Variants in PAX2 observed in about 807,000 individuals in gnomAD.
PAX2 encodes paired box protein Pax-2.
Under a neutral mutation model 41.7 loss-of-function variants are expected in PAX2, and 9 were observed. The ratio of observed to expected loss-of-function variants is 0.22; its 90% confidence interval spans 0.13 to 0.38. The LOEUF (loss-of-function observed/expected upper bound fraction) is 0.38. PAX2 is among the 10% of genes least tolerant of loss of function. PAX2 has a pLI of 1.00. For synonymous variants in PAX2, 221 were observed against 212.7 expected (o/e 1.04, Z -0.34); for missense variants, 418 against 531.6 (o/e 0.79, Z 2.10).
In PAX2 at chr10:100,791,639, G is replaced by A. The variant is rs747339598; in HGVS notation, c.616+10274G>A. ...GAGCCAGTGACAGAGGGAGAGATGC[G>A]CGGACACACTCACACACCCTTGCTG... On this transcript the variant is annotated intron_variant, in intron 5 of 9. Coordinates refer to ENST00000355243, the MANE Select transcript of PAX2 (RefSeq NM_000278.5). This position sits in a 1 kb window ranked among gnomAD's most constrained non-coding sequence, Gnocchi z 4.5. Among the ~76,000 whole-genome samples the A allele has an allele frequency of 1.2e-4, 18 of 152,170 alleles. No individual in the cohort carries two copies. Among genetic ancestry groups the A allele is most frequent in the Non-Finnish European group, 1.8e-4 (12 of 68,032 alleles).
intron 5 of PAX2, chr10:100,786,837 C>G: frequency 1.7e-6 from 1 of 591,258 alleles, no homozygotes; most frequent in Non-Finnish European, 3.1e-6. Flanking sequence ...CCTTGTAGCC[C>G]TTAGAAGGGG....
intron 5 of PAX2, among the ~76,000 whole-genome samples, chr10:100,789,513 G>A (rs777750101): frequency 3.3e-5 from 5 of 152,202 alleles, no homozygotes; most frequent in Admixed American, 2.6e-4. Flanking sequence ...CTCCCTAGGA[G>A]ACAGGCCCTA....
intron 3 of PAX2, among the ~76,000 whole-genome samples, chr10:100,771,197 T>C (rs1417782071): frequency 6.6e-6 from 1 of 152,178 alleles, no homozygotes; most frequent in Non-Finnish European, 1.5e-5. Context: ...AGTTGACACA[T>C]TTGGGAAGAA....
chr10:100,746,059 G>A lies in PAX2; in HGVS notation c.-202G>A. On this transcript the variant is annotated 5_prime_UTR_variant, in exon 1 of 10. Transcript: ENST00000355243. ...ACAGTGGCAAGTTGCGGCTACTGCA[G>A]TTGCAAGCTCCGGCCAACCCGGAGG... 6.8e-7 allele frequency: 1 copy of A among 1,472,518 alleles called. No homozygotes were observed. The highest frequency in any genetic ancestry group is 8.9e-7 in the Non-Finnish European group (1 of 1,120,720). The allele number at this position is 1,472,518 out of a possible 1,614,324, so 91.2% of individuals were successfully genotyped here.
At chr10:100,802,061 G>C (rs12261691) in intron 5 of PAX2, among the ~76,000 whole-genome samples, 1 of 152,154 alleles carries the variant, frequency 6.6e-6, no homozygotes, top group Admixed American at 6.5e-5. Flanking sequence ...GCTGGGCAGG[G>C]GGCAGACGGA....
intron 5 of PAX2, among the ~76,000 whole-genome samples, chr10:100,792,362 G>A (rs761526436): frequency 6.6e-6 from 1 of 152,256 alleles, no homozygotes; most frequent in Non-Finnish European, 1.5e-5. Flanking sequence ...TGCCTGGAGA[G>A]GAAGTCCGCA....
chr10:100,750,911 T>C lies in PAX2; in HGVS notation c.410+20T>C, dbSNP rs1687778934. ...CAACAGGTGAGCAAGCCACCCGGGTTTTCAGGGCTGGACTCCAGCTCCTGG... is the reference window on the plus strand; with the variant it reads ...CAACAGGTGAGCAAGCCACCCGGGTCTTCAGGGCTGGACTCCAGCTCCTGG... On this transcript the variant is annotated intron_variant, in intron 3 of 9. Coordinates refer to ENST00000355243, the MANE Select transcript of PAX2 (RefSeq NM_000278.5). The surrounding 1 kb of genome is among the most constrained non-coding windows in gnomAD (Gnocchi z 4.1). The C allele has an allele frequency of 8.7e-6, 14 of 1,603,104 alleles. No individual in the cohort carries two copies. Among genetic ancestry groups the C allele is most frequent in the Non-Finnish European group, 1.2e-5 (14 of 1,170,476 alleles).
At chr10:100,794,083 G>A (rs1847236136) in intron 5 of PAX2, among the ~76,000 whole-genome samples, 1 of 152,212 alleles carries the variant, frequency 6.6e-6, no homozygotes, top group South Asian at 2.1e-4. Flanking sequence ...ATGGTGACAA[G>A]GCAGAGTGTC....
At chr10:100,769,455 C>T (rs1189274547) in intron 3 of PAX2, among the ~76,000 whole-genome samples, 3 of 151,750 alleles carry the variant, frequency 2.0e-5, no homozygotes, top group Non-Finnish European at 4.4e-5. Flanking sequence ...TGGTAAAACC[C>T]TGTCTCTACT....
chr10:100,744,535 G>A (rs1382894891), upstream of PAX2, among the ~76,000 whole-genome samples: 2 of 152,224 alleles, frequency 1.3e-5, no homozygotes, highest in African/African-American at 2.4e-5. Flanking sequence ...GAGTGGGGAC[G>A]TCCCCGTGGT....
chr10:100,797,583 T>A (rs1180730712), intron 5 of PAX2, among the ~76,000 whole-genome samples: 1 of 152,256 alleles, frequency 6.6e-6, no homozygotes, highest in Non-Finnish European at 1.5e-5. Flanking sequence ...ATTGTAAGGA[T>A]TACATCAGTG....
At position 100,821,079 on chromosome 10, in the gene PAX2, C is replaced by A. The variant is rs866534887; in HGVS notation, c.920-3569C>A. Among the ~76,000 whole-genome samples, 5 of 152,316 alleles carry A rather than the reference C, an allele frequency of 3.3e-5. No individual in the cohort carries two copies. The East Asian group carries it at 9.6e-4, about 29-fold the overall frequency. ...CTGTCGATTCTTGCTTGCACAGATT[C>A]CATTACCCATTCATATTCTTTCACT... is the stretch of plus-strand genomic sequence containing the variant. On this transcript the variant is annotated intron_variant, in intron 7 of 9. Transcript: ENST00000355243.
At chr10:100,765,932 A>G (rs1342257276) in intron 3 of PAX2, among the ~76,000 whole-genome samples, 1 of 152,064 alleles carries the variant, frequency 6.6e-6, no homozygotes, top group African/African-American at 2.4e-5. Flanking sequence ...CATCATCATC[A>G]TCATCATCAT....
At chr10:100,773,125 C>G (rs1457586880) in intron 3 of PAX2, among the ~76,000 whole-genome samples, 2 of 152,112 alleles carry the variant, frequency 1.3e-5, no homozygotes, top group Non-Finnish European at 2.9e-5. Context: ...AATTCAAATC[C>G]CAGATTTACT....
At position 100,749,696 on chromosome 10, in the gene PAX2, C is replaced by T. The variant is rs374855505; in HGVS notation, c.44-50C>T. The T allele has an allele frequency of 1.5e-5, 24 of 1,577,364 alleles. No individual in the cohort carries two copies. The East Asian group carries it at 4.1e-4, about 27-fold the overall frequency. ...CGGGCCGCGGACCCTGACTAATGGC[C>T]GGTCCCTGCTGTGTGTGGGGTGTTG... On this transcript the variant is annotated intron_variant, in intron 1 of 9. Transcript: ENST00000355243.
Position 100,746,038 on chromosome 10 carries a change from T to C in PAX2, c.-223T>C. The C allele has an allele frequency of 6.9e-7, 1 of 1,442,498 alleles. No homozygotes were observed. The highest frequency in any genetic ancestry group is 9.0e-7 in the Non-Finnish European group (1 of 1,105,448). The allele number at this position is 1,442,498 out of a possible 1,614,324, so 89.4% of individuals were successfully genotyped here. ...ACCGCCCAGCCCCGAGCCCCGACAG[T>C]GGCAAGTTGCGGCTACTGCAGTTGC... On this transcript the variant is annotated 5_prime_UTR_variant, in exon 1 of 10. Transcript: ENST00000355243.
In PAX2 at chr10:100,824,846, A is replaced by C. The variant is rs1433069834; in HGVS notation, c.1021+97A>C. The C allele has an allele frequency of 6.6e-7, 1 of 1,520,166 alleles. No individual in the cohort carries two copies. Among genetic ancestry groups the C allele is most frequent in the Admixed American group, 1.7e-5 (1 of 59,852 alleles). The allele number at this position is 1,520,166 out of a possible 1,614,324, so 94.2% of individuals were successfully genotyped here. ...TGTAGTCTGAGGCTGGGGTGGGGGG[A>C]GACACAACGTCCCCTCCCTGCAAAC... On this transcript the variant is annotated intron_variant, in intron 8 of 9. Transcript: ENST00000355243. The surrounding 1 kb of genome is among the most constrained non-coding windows in gnomAD (Gnocchi z 6.6).
At chr10:100,751,531 G>T (rs1000097188) in intron 3 of PAX2, among the ~76,000 whole-genome samples, 1 of 152,214 alleles carries the variant, frequency 6.6e-6, no homozygotes, top group African/African-American at 2.4e-5. Flanking sequence ...TGAACCTTGG[G>T]TGATACCCTC....
intron 3 of PAX2, among the ~76,000 whole-genome samples, chr10:100,775,782 T>C (rs1176928023): frequency 3.3e-5 from 5 of 152,226 alleles, no homozygotes; most frequent in African/African-American, 7.2e-5. Flanking sequence ...TGCTCTGAGC[T>C]GCTCAGCATC....
Sources: allele counts gnomAD v4.1 joint callset (sites outside exome capture counted in the v4.1 genomes callset), GRCh38; gene constraint gnomAD v4.1.1; non-coding constraint Gnocchi (gnomAD v3.1); transcripts MANE v1.5; gene names NCBI Gene and HGNC (gene_info 2026-07-23, HGNC 2026-07-21).